Variants in APPBP2 observed in about 807,000 individuals in gnomAD.
APPBP2 encodes amyloid beta precursor protein binding protein 2, also known as amyloid protein-binding protein 2.
In APPBP2, 15 loss-of-function variants were observed where a neutral mutation model predicts 76.0. The ratio of observed to expected loss-of-function variants is 0.20; its 90% confidence interval spans 0.13 to 0.30. APPBP2 has a LOEUF of 0.30. Among genes scored for constraint, APPBP2 ranks in the 10% least tolerant of loss-of-function variants. APPBP2 has a pLI of 1.00. For missense variants in APPBP2, 401 were observed against 687.2 expected, an observed-to-expected ratio of 0.58 and a Z score of 4.66; for synonymous variants, 222 against 242.2, an observed-to-expected ratio of 0.92 and a Z score of 0.77.
At chr17:60,496,135 T>C (rs1209334489) in intron 2 of APPBP2, among the ~76,000 whole-genome samples, 4 of 152,228 alleles carry the variant, frequency 2.6e-5, no homozygotes, top group Non-Finnish European at 5.9e-5. Context: ...AAAGTTACTG[T>C]TAACTGAGGA....
intron 1 of APPBP2, among the ~76,000 whole-genome samples, chr17:60,500,796 C>T (rs774959860): frequency 6.6e-6 from 1 of 151,934 alleles, no homozygotes; most frequent in African/African-American, 2.4e-5. Context: ...TTTACTTAAA[C>T]AAAACTGGAG....
At chr17:60,514,319 A>G (rs988715741) in intron 1 of APPBP2, among the ~76,000 whole-genome samples, 4 of 151,976 alleles carry the variant, frequency 2.6e-5, no homozygotes, top group East Asian at 1.9e-4. Flanking sequence ...AAAACCCACA[A>G]TGGAGGCTAG....
chr17:60,466,139 A>G, intron 5 of APPBP2, 152 bp downstream of exon 5: 1 of 732,918 alleles, frequency 1.4e-6, no homozygotes, highest in Non-Finnish European at 2.0e-6. Flanking sequence ...GGCTTGTCTG[A>G]TTTTAAATTT....
intron 4 of APPBP2, among the ~76,000 whole-genome samples, chr17:60,471,992 G>A (rs1385187840): frequency 6.6e-6 from 1 of 152,150 alleles, no homozygotes; most frequent in African/African-American, 2.4e-5. Context: ...CAGGTGTGGT[G>A]GTGGGAGCCT....
At chr17:60,450,774 A>C (rs2090388609) in intron 12 of APPBP2, among the ~76,000 whole-genome samples, 2 of 148,910 alleles carry the variant, frequency 1.3e-5, no homozygotes, top group South Asian at 4.1e-4. Context: ...CCTGTCTCAA[A>C]AAAAAAAAAA....
At chr17:60,457,772 C>T (rs2090442479) in intron 9 of APPBP2, among the ~76,000 whole-genome samples, 1 of 152,154 alleles carries the variant, frequency 6.6e-6, no homozygotes, top group Admixed American at 6.6e-5. Context: ...CCATTTCTAG[C>T]CATTTGTTTT....
At chr17:60,462,130 T>C (rs748899044) in intron 6 of APPBP2, 69 bp from the exon 7 acceptor site, 1 of 1,209,108 alleles carries the variant, frequency 8.3e-7, no homozygotes, top group Non-Finnish European at 1.2e-6. Flanking sequence ...GTGTAGTTTA[T>C]ATATTCTGGC....
chr17:60,492,044 C>T (rs1019081611), intron 3 of APPBP2, among the ~76,000 whole-genome samples: 4 of 152,128 alleles, frequency 2.6e-5, no homozygotes, highest in Non-Finnish European at 4.4e-5. Context: ...GGACTTGGAC[C>T]CCTGTGTCCC....
chr17:60,501,617 T>TG (rs1453853021), intron 1 of APPBP2, among the ~76,000 whole-genome samples: 1 of 152,094 alleles, frequency 6.6e-6, no homozygotes, highest in African/African-American at 2.4e-5. Context: ...AGGCTGGTCT[T>TG]GAACTCCTGA....
intron 4 of APPBP2, among the ~76,000 whole-genome samples, chr17:60,468,931 C>G (rs2090530682): frequency 6.6e-6 from 1 of 152,132 alleles, no homozygotes; most frequent in African/African-American, 2.4e-5. Context: ...CATTAGTTTA[C>G]TAATATATTT....
intron 8 of APPBP2, 37 bp downstream of exon 8, chr17:60,461,773 A>G: frequency 6.8e-7 from 1 of 1,475,652 alleles, no homozygotes; most frequent in Non-Finnish European, 9.3e-7. Context: ...GCAAGTCAAT[A>G]CAGGTTGAAA....
At chr17:60,496,180 AATG>A (rs2090774153) in intron 2 of APPBP2, among the ~76,000 whole-genome samples, 1 of 152,320 alleles carries the variant, frequency 6.6e-6, no homozygotes, top group Admixed American at 6.5e-5. Context: ...GTTGACTGTT[AATG>A]ATTTCTTTTT....
chr17:60,467,820 A>G (rs1254762935), intron 4 of APPBP2, among the ~76,000 whole-genome samples: 1 of 152,174 alleles, frequency 6.6e-6, no homozygotes, highest in Non-Finnish European at 1.5e-5. Flanking sequence ...AGGAACAGCA[A>G]AACAGAAGGA....
chr17:60,483,483 T>G (rs1381185573), intron 3 of APPBP2, among the ~76,000 whole-genome samples: 1 of 152,120 alleles, frequency 6.6e-6, no homozygotes, highest in Non-Finnish European at 1.5e-5. Context: ...AAGCTCTGCC[T>G]CCTGGGTTCA....
intron 3 of APPBP2, among the ~76,000 whole-genome samples, chr17:60,482,803 GCAC>G (rs1458682546): frequency 2.0e-5 from 3 of 152,304 alleles, no homozygotes; most frequent in South Asian, 2.1e-4. Flanking sequence ...TGGTGTATAT[GCAC>G]CACATTTTCT....
chr17:60,524,925 C>A (rs1037128726), intron 1 of APPBP2, among the ~76,000 whole-genome samples: 2 of 152,148 alleles, frequency 1.3e-5, no homozygotes, highest in Non-Finnish European at 2.9e-5. Context: ...GAGAAAAGGG[C>A]AGGCTCTGAG....
chr17:60,506,753 T>TC (rs1158788418), intron 1 of APPBP2, among the ~76,000 whole-genome samples: 5 of 152,108 alleles, frequency 3.3e-5, no homozygotes, highest in Non-Finnish European at 1.5e-5. Flanking sequence ...AAAAACATTT[T>TC]CCCCCCGGGC....
chr17:60,503,485 A>G (rs1213128446), intron 1 of APPBP2, among the ~76,000 whole-genome samples: 1 of 145,208 alleles, frequency 6.9e-6, no homozygotes, highest in Non-Finnish European at 1.5e-5. Flanking sequence ...TCTCAGGTTC[A>G]AGTGATTCCC....
intron 1 of APPBP2, among the ~76,000 whole-genome samples, chr17:60,523,874 G>T (rs2091029374): frequency 6.6e-6 from 1 of 152,112 alleles, no homozygotes; most frequent in Non-Finnish European, 1.5e-5. Flanking sequence ...TCAGGTTTGA[G>T]ACCTTAATTA....
Sources: allele counts gnomAD v4.1 joint callset (sites outside exome capture counted in the v4.1 genomes callset), GRCh38; gene constraint gnomAD v4.1.1; transcripts MANE v1.5; gene names NCBI Gene and HGNC (gene_info 2026-07-23, HGNC 2026-07-21).